Variants in AKAP6 observed in about 807,000 individuals in gnomAD.
The protein encoded by AKAP6 is A-kinase anchor protein 6.
AKAP6 carries 58 observed loss-of-function variants against 188.5 expected under a neutral mutation model. The observed-to-expected ratio is 0.31, with a 90% CI of 0.25 to 0.38. The LOEUF is 0.38. AKAP6 is among the 10% of genes least tolerant of loss of function. AKAP6 has a pLI of 1.00. For synonymous variants in AKAP6, 989 were observed against 998.6 expected (o/e 0.99, Z 0.18); for missense variants, 2,710 against 2,740.0 (o/e 0.99, Z 0.24).
intron 1 of AKAP6, among the ~76,000 whole-genome samples, chr14:32,383,357 A>G (rs1387940741): frequency 1.3e-5 from 2 of 152,150 alleles, no homozygotes; most frequent in Admixed American, 1.3e-4. Flanking sequence ...TGACTGTACC[A>G]TGTCATTTCC....
intron 2 of AKAP6, among the ~76,000 whole-genome samples, chr14:32,510,479 T>TATATATGTGTGTATATATATATAC (rs1566547015): frequency 1.0e-5 from 1 of 97,916 alleles, no homozygotes; most frequent in African/African-American, 4.2e-5. Context: ...TATATATACA[T>TATATATGTGTGTATATATATATAC]ATATATATGT....
chr14:32,800,421 C>T (rs1050517900), intron 12 of AKAP6, among the ~76,000 whole-genome samples: 1 of 151,464 alleles, frequency 6.6e-6, no homozygotes, highest in Admixed American at 6.6e-5. Context: ...AAGAAAAAAG[C>T]AATATTGAGC....
rs2034039469 is a variant in AKAP6 at position 32,804,570 on chromosome 14, C to T, written c.3589-16832C>T. Among the ~76,000 whole-genome samples the T allele has an allele frequency of 2.0e-5, 3 of 152,170 alleles. No homozygotes were observed. The South Asian group carries it at 6.2e-4, about 32-fold the overall frequency. The stretch of plus-strand genomic sequence containing the variant: ...CAGGACAAAAGGCAAAACAGAACTA[C>T]TGATAAGGGTCTATGTTCAGCTGTG... On this transcript the variant is annotated intron_variant, in intron 12 of 13. Transcript: ENST00000280979.
At chr14:32,781,604 C>T (rs1048531333) in intron 12 of AKAP6, among the ~76,000 whole-genome samples, 4 of 151,966 alleles carry the variant, frequency 2.6e-5, no homozygotes, top group African/African-American at 9.7e-5. Flanking sequence ...AAAGGCAATA[C>T]AAGAAAACTG....
chr14:32,369,094 G>A (rs1396545778), intron 1 of AKAP6, among the ~76,000 whole-genome samples: 1 of 152,140 alleles, frequency 6.6e-6, no homozygotes, highest in Non-Finnish European at 1.5e-5. Flanking sequence ...GGAAAGATGG[G>A]CACTCTTCAA....
chr14:32,756,900 G>A lies in AKAP6; in HGVS notation c.3373-16778G>A, dbSNP rs142939480. ...TGTCTGAAGTTGCACGTGCTGACCT[G>A]GAGCTGGGGTGTGCATGTGCCAGCC... On this transcript the variant is annotated intron_variant, in intron 11 of 13. Transcript: ENST00000280979. Among the ~76,000 whole-genome samples the A allele has an allele frequency of 2.9e-3, 447 of 152,238 alleles. 4 individuals are homozygous for A. The highest frequency in any genetic ancestry group is 0.01 in the African/African-American group (427 of 41,546).
chr14:32,646,371 C>G (rs1187784541), intron 7 of AKAP6, among the ~76,000 whole-genome samples: 4 of 151,952 alleles, frequency 2.6e-5, no homozygotes, highest in Non-Finnish European at 4.4e-5. Flanking sequence ...ACTAATATGA[C>G]AAGTTTCAGA....
intron 1 of AKAP6, among the ~76,000 whole-genome samples, chr14:32,395,728 C>G (rs1411613614): frequency 6.6e-6 from 1 of 152,176 alleles, no homozygotes. Flanking sequence ...TCCCTCAAAA[C>G]TTTCCTGGGT....
At chr14:32,387,779 A>G (rs1888580575) in intron 1 of AKAP6, among the ~76,000 whole-genome samples, 2 of 148,674 alleles carry the variant, frequency 1.3e-5, no homozygotes, top group South Asian at 4.2e-4. Flanking sequence ...ATCTATGTTC[A>G]TCAGGGCTAT....
At chr14:32,346,518 A>AT (rs1038279038) in intron 1 of AKAP6, among the ~76,000 whole-genome samples, 18 of 151,904 alleles carry the variant, frequency 1.2e-4, no homozygotes, top group African/African-American at 4.1e-4. Context: ...TATTTTATTT[A>AT]TTTTTTTTGA....
chr14:32,457,335 G>A (rs912685452), intron 2 of AKAP6, among the ~76,000 whole-genome samples: 1 of 152,116 alleles, frequency 6.6e-6, no homozygotes, highest in African/African-American at 2.4e-5. Context: ...ATCAGGTAAG[G>A]TCTTGAGGAT....
intron 11 of AKAP6, among the ~76,000 whole-genome samples, chr14:32,757,250 T>A (rs927330270): frequency 6.6e-6 from 1 of 152,226 alleles, no homozygotes; most frequent in Non-Finnish European, 1.5e-5. Flanking sequence ...TATGTTTGTG[T>A]ATGAATAGTT....
intron 1 of AKAP6, among the ~76,000 whole-genome samples, chr14:32,378,917 CTTTTTT>C (rs56131134): frequency 5.1e-5 from 6 of 117,750 alleles, no homozygotes; most frequent in Non-Finnish European, 7.3e-5. Context: ...GTCTTTCTTC[CTTTTTT>C]TTTTTTTTTT....
At chr14:32,659,944 G>A (rs1235165068) in intron 7 of AKAP6, among the ~76,000 whole-genome samples, 1 of 152,008 alleles carries the variant, frequency 6.6e-6, no homozygotes, top group East Asian at 1.9e-4. Flanking sequence ...CCGACAAGGT[G>A]ACACAAAAGA....
At chr14:32,454,049 A>G (rs1001001210) in intron 2 of AKAP6, among the ~76,000 whole-genome samples, 2 of 152,096 alleles carry the variant, frequency 1.3e-5, no homozygotes, top group African/African-American at 2.4e-5. Flanking sequence ...TCATTTTATG[A>G]CTTTACATGA....
chr14:32,526,275 C>G (rs376217913), intron 2 of AKAP6, among the ~76,000 whole-genome samples: 1 of 152,200 alleles, frequency 6.6e-6, no homozygotes, highest in African/African-American at 2.4e-5. Flanking sequence ...CCCTGTCGCC[C>G]AGGTTGGAGT....
intron 5 of AKAP6, among the ~76,000 whole-genome samples, chr14:32,594,653 C>T (rs1885618999): frequency 6.6e-6 from 1 of 152,160 alleles, no homozygotes; most frequent in Non-Finnish European, 1.5e-5. Context: ...TGGTTCTGGG[C>T]ACAGCTCAGA....
intron 7 of AKAP6, among the ~76,000 whole-genome samples, chr14:32,621,713 A>G (rs1455657575): frequency 6.6e-6 from 1 of 152,060 alleles, no homozygotes; most frequent in Non-Finnish European, 1.5e-5. Flanking sequence ...GTTTAAGTCT[A>G]GTGTCTTTCT....
At chr14:32,799,426 G>A (rs969851122) in intron 12 of AKAP6, among the ~76,000 whole-genome samples, 11 of 147,108 alleles carry the variant, frequency 7.5e-5, no homozygotes, top group African/African-American at 2.0e-4. Flanking sequence ...ATTTATCTTC[G>A]AATATATGCA....
Sources: allele counts gnomAD v4.1 joint callset (sites outside exome capture counted in the v4.1 genomes callset), GRCh38; gene constraint gnomAD v4.1.1; transcripts MANE v1.5; gene names NCBI Gene and HGNC (gene_info 2026-07-23, HGNC 2026-07-21).